WDR7: variants seen among roughly 807,000 people sequenced by gnomAD.
WDR7 encodes the protein WD repeat-containing protein 7.
In WDR7, 46 loss-of-function variants were observed where a neutral mutation model predicts 169.4. That is an observed-to-expected ratio of 0.27 (90% CI 0.21 to 0.35). The LOEUF (loss-of-function observed/expected upper bound fraction) is 0.35, where lower values mean the gene tolerates loss of function less well. WDR7 is among the 10% of genes least tolerant of loss of function. The probability of loss-of-function intolerance (pLI) is 1.00; values close to 1 mark genes in which losing one functional copy is unlikely to be tolerated. For synonymous variants in WDR7, 612 were observed against 666.8 expected (o/e 0.92, Z 1.27); for missense variants, 1,534 against 1,859.3 (o/e 0.83, Z 3.22).
At chr18:56,911,794 AATT>A (rs1216226580) in intron 21 of WDR7, among the ~76,000 whole-genome samples, 1 of 152,230 alleles carries the variant, frequency 6.6e-6, no homozygotes, top group African/African-American at 2.4e-5. Context: ...AGCTTATGTG[AATT>A]ATTTAAAAGA....
At chr18:56,674,505 A>C (rs1227574415) in intron 2 of WDR7, among the ~76,000 whole-genome samples, 3 of 152,094 alleles carry the variant, frequency 2.0e-5, no homozygotes, top group Non-Finnish European at 2.9e-5. Context: ...TCCTTTGCCC[A>C]TTTTAAAATT....
intron 21 of WDR7, among the ~76,000 whole-genome samples, chr18:56,900,289 A>G (rs963574024): frequency 6.6e-6 from 1 of 152,074 alleles, no homozygotes; most frequent in African/African-American, 2.4e-5. Context: ...CTAGAATACT[A>G]TTAAAGCTAT....
chr18:56,898,781 G>A (rs1255636120), intron 21 of WDR7, among the ~76,000 whole-genome samples: 9 of 152,066 alleles, frequency 5.9e-5, no homozygotes, highest in Non-Finnish European at 1.3e-4. Context: ...TCTAGAAGTG[G>A]ATGTGGGAAC....
chr18:56,685,907 C>T lies in WDR7; in HGVS notation c.521-49C>T, dbSNP rs779114180. 1.1e-5 allele frequency: 15 copies of T among 1,408,226 alleles called. No homozygotes were observed. In the Admixed American group the frequency reaches 1.2e-4, roughly 12 times the overall value. The allele number at this position is 1,408,226 out of a possible 1,614,324, so 87.2% of individuals were successfully genotyped here. On this transcript the variant is annotated intron_variant, in intron 5 of 27. Coordinates refer to ENST00000254442, the MANE Select transcript of WDR7 (RefSeq NM_015285.3). ...AAAACATCTTAATATTTAGAAAAAG[C>T]GTATTATGTTCGTAACCTGGGCTGC...
chr18:56,732,671 C>T lies in WDR7; in HGVS notation c.1989+1074C>T, dbSNP rs2026612930. Among the ~76,000 whole-genome samples, 4 of 152,156 alleles carry T rather than the reference C, an allele frequency of 2.6e-5. No individual in the cohort carries two copies. The South Asian group carries it at 8.3e-4, about 32-fold the overall frequency. ...TATGTTGTATTGTATATTTCAACAACTGGAACTGTGAAATCATTCTACATT... is the reference window on the plus strand; with the variant it reads ...TATGTTGTATTGTATATTTCAACAATTGGAACTGTGAAATCATTCTACATT... On this transcript the variant is annotated intron_variant, in intron 14 of 27. Coordinates refer to ENST00000254442, the MANE Select transcript of WDR7 (RefSeq NM_015285.3).
intron 19 of WDR7, among the ~76,000 whole-genome samples, chr18:56,803,939 G>A (rs1419239668): frequency 6.6e-6 from 1 of 152,178 alleles, no homozygotes. Flanking sequence ...GGGATTACAG[G>A]TGTGCACCAC....
intron 19 of WDR7, among the ~76,000 whole-genome samples, chr18:56,783,933 AT>A (rs1482320637): frequency 6.6e-6 from 1 of 152,214 alleles, no homozygotes; most frequent in Non-Finnish European, 1.5e-5. Flanking sequence ...AGAACTGTGT[AT>A]GTTGTTTGGA....
chr18:56,814,928 G>A (rs1032017440), intron 19 of WDR7, among the ~76,000 whole-genome samples: 1 of 152,070 alleles, frequency 6.6e-6, no homozygotes, highest in Non-Finnish European at 1.5e-5. Context: ...CCAAAATGGT[G>A]CGTTTTAGTC....
intron 9 of WDR7, 104 bp downstream of exon 9, chr18:56,691,921 A>G: frequency 1.2e-6 from 1 of 817,864 alleles, no homozygotes. Flanking sequence ...ATACAATTCA[A>G]AGCACTGTGT....
chr18:56,696,204 T>A, intron 11 of WDR7, 38 bp from the exon 12 acceptor site: 1 of 1,537,592 alleles, frequency 6.5e-7, no homozygotes. Flanking sequence ...TGGTAAACCT[T>A]TAATTTTCCC....
chr18:56,905,229 A>G (rs1011488766), intron 21 of WDR7, among the ~76,000 whole-genome samples: 4 of 151,960 alleles, frequency 2.6e-5, no homozygotes, highest in Admixed American at 6.6e-5. Context: ...GCTCACCCCA[A>G]CCTCCACCTC....
At chr18:56,739,751 C>CT (rs930507994) in intron 14 of WDR7, among the ~76,000 whole-genome samples, 2 of 150,460 alleles carry the variant, frequency 1.3e-5, no homozygotes, top group Non-Finnish European at 2.9e-5. Flanking sequence ...TCATTTCCAT[C>CT]TTTTTTTGGG....
At chr18:56,662,471 A>T (rs1359754518) in intron 1 of WDR7, among the ~76,000 whole-genome samples, 1 of 152,248 alleles carries the variant, frequency 6.6e-6, no homozygotes, top group Non-Finnish European at 1.5e-5. Context: ...AGGAAAAACA[A>T]AAACAGTAGC....
chr18:56,854,830 G>T (rs1463088844), intron 20 of WDR7, among the ~76,000 whole-genome samples: 2 of 152,174 alleles, frequency 1.3e-5, no homozygotes, highest in Non-Finnish European at 2.9e-5. Context: ...TGGTGAAAGA[G>T]AGGGCAGGGG....
intron 12 of WDR7, among the ~76,000 whole-genome samples, chr18:56,697,094 G>C (rs1324436902): frequency 6.6e-6 from 1 of 151,996 alleles, no homozygotes; most frequent in Non-Finnish European, 1.5e-5. Flanking sequence ...ATTAATCATG[G>C]GACTTATTCA....
At chr18:56,659,335 T>G (rs535542587) in intron 1 of WDR7, among the ~76,000 whole-genome samples, 1 of 152,340 alleles carries the variant, frequency 6.6e-6, no homozygotes, top group Admixed American at 6.5e-5. Flanking sequence ...TGGGTGCAAC[T>G]TTACTTAAAC....
intron 18 of WDR7, among the ~76,000 whole-genome samples, chr18:56,780,941 T>A (rs1439599359): frequency 6.6e-6 from 1 of 152,240 alleles, no homozygotes; most frequent in East Asian, 1.9e-4. Flanking sequence ...AAATATATAA[T>A]TTTGAAAAAT....
intron 1 of WDR7, 108 bp from the exon 2 acceptor site, chr18:56,672,389 T>A: frequency 4.0e-5 from 25 of 625,440 alleles, no homozygotes; most frequent in East Asian, 1.0e-4. Flanking sequence ...TGTAATTCAC[T>A]CCCAGGAATA....
intron 26 of WDR7, among the ~76,000 whole-genome samples, chr18:56,979,721 T>A (rs1277853368): frequency 6.6e-6 from 1 of 152,248 alleles, no homozygotes; most frequent in Non-Finnish European, 1.5e-5. Context: ...GCTACTAGGC[T>A]AGTGCTACAC....
Sources: allele counts gnomAD v4.1 joint callset (sites outside exome capture counted in the v4.1 genomes callset), GRCh38; gene constraint gnomAD v4.1.1; transcripts MANE v1.5; gene names NCBI Gene and HGNC (gene_info 2026-07-23, HGNC 2026-07-21).